SAMMSON: variants seen among roughly 807,000 people sequenced by gnomAD.
SAMMSON encodes the protein survival associated mitochondrial melanoma specific oncogenic non-coding RNA.
intron 4 of SAMMSON, among the ~76,000 whole-genome samples, chr3:70,152,245 T>A (rs1287321432): frequency 3.3e-5 from 5 of 152,166 alleles, no homozygotes; most frequent in African/African-American, 1.2e-4. Context: ...ACAATTGGAT[T>A]TCAAGTCACC....
At chr3:70,076,101 A>T (rs2067247665) in intron 4 of SAMMSON, among the ~76,000 whole-genome samples, 1 of 152,094 alleles carries the variant, frequency 6.6e-6, no homozygotes, top group African/African-American at 2.4e-5. Flanking sequence ...AACTTAATTA[A>T]GTTCCCAGGG....
chr3:70,178,529 G>A (rs189586028), intron 4 of SAMMSON, among the ~76,000 whole-genome samples: 8 of 152,256 alleles, frequency 5.3e-5, no homozygotes, highest in South Asian at 4.1e-4. Flanking sequence ...AAGAAAATGC[G>A]TTAAACTGAG....
chr3:70,246,974 A>C (rs1233697776), intron 4 of SAMMSON, among the ~76,000 whole-genome samples: 1 of 152,072 alleles, frequency 6.6e-6, no homozygotes, highest in African/African-American at 2.4e-5. Context: ...TGAACAATAC[A>C]AGGCTCAGGG....
intron 4 of SAMMSON, among the ~76,000 whole-genome samples, chr3:70,129,537 G>C (rs1457023742): frequency 2.6e-5 from 4 of 152,112 alleles, no homozygotes; most frequent in African/African-American, 9.7e-5. Flanking sequence ...TAAGAGTAAT[G>C]AGGCCTACAA....
chr3:70,427,433 T>G (rs1701378831), intron 2 of SAMMSON, among the ~76,000 whole-genome samples: 1 of 152,044 alleles, frequency 6.6e-6, no homozygotes, highest in South Asian at 2.1e-4. Context: ...ACCTAAAAGG[T>G]GATCCTCTTA....
At chr3:70,195,365 T>A (rs1701165962) in intron 4 of SAMMSON, among the ~76,000 whole-genome samples, 1 of 152,220 alleles carries the variant, frequency 6.6e-6, no homozygotes, top group Non-Finnish European at 1.5e-5. Context: ...CAAACAGGAA[T>A]GAAATCAGCA....
At chr3:70,191,268 GT>G (rs1701130039) in intron 4 of SAMMSON, among the ~76,000 whole-genome samples, 1 of 152,150 alleles carries the variant, frequency 6.6e-6, no homozygotes, top group Non-Finnish European at 1.5e-5. Flanking sequence ...CATAAAAGAG[GT>G]TAGCATGACC....
At chr3:70,298,905 T>C (rs1362955709) in intron 7 of SAMMSON, among the ~76,000 whole-genome samples, 2 of 152,160 alleles carry the variant, frequency 1.3e-5, no homozygotes, top group Non-Finnish European at 2.9e-5. Context: ...CTGACCTTTA[T>C]TTTCCTCATT....
chr3:70,323,767 G>A (rs1415221480), intron 7 of SAMMSON, among the ~76,000 whole-genome samples: 2 of 152,080 alleles, frequency 1.3e-5, no homozygotes, highest in Non-Finnish European at 2.9e-5. Flanking sequence ...ATACCTTATT[G>A]TTGTGAGGCC....
chr3:70,263,795 G>T (rs1464190911), intron 6 of SAMMSON, among the ~76,000 whole-genome samples: 1 of 151,942 alleles, frequency 6.6e-6, no homozygotes, highest in Non-Finnish European at 1.5e-5. Context: ...CTCCATCTGG[G>T]TTCCCGTTGC....
At chr3:70,403,005 C>A (rs887784330) in intron 2 of SAMMSON, among the ~76,000 whole-genome samples, 12 of 151,808 alleles carry the variant, frequency 7.9e-5, no homozygotes, top group Non-Finnish European at 1.5e-4. Context: ...CTGAGACTTC[C>A]ATATAGTCTG....
At chr3:70,082,322 A>T (rs571824564) in intron 4 of SAMMSON, among the ~76,000 whole-genome samples, 1 of 152,338 alleles carries the variant, frequency 6.6e-6, no homozygotes, top group East Asian at 1.9e-4. Context: ...GATTAATATT[A>T]GTTAATAAAA....
intron 6 of SAMMSON, among the ~76,000 whole-genome samples, chr3:70,282,586 C>T (rs1702099114): frequency 6.6e-6 from 1 of 152,150 alleles, no homozygotes; most frequent in Non-Finnish European, 1.5e-5. Context: ...AGGAACTTTG[C>T]ACTTGCTATT....
intron 3 of SAMMSON, among the ~76,000 whole-genome samples, chr3:70,048,441 G>T (rs993115619): frequency 1.3e-5 from 2 of 151,844 alleles, no homozygotes; most frequent in African/African-American, 4.8e-5. Context: ...ACAATCCTTG[G>T]CACATAAGAA....
At chr3:70,415,963 A>G (rs1052282740) in intron 2 of SAMMSON, among the ~76,000 whole-genome samples, 2 of 152,142 alleles carry the variant, frequency 1.3e-5, no homozygotes, top group South Asian at 2.1e-4. Context: ...TTCTCCTATC[A>G]CTATTTTGAT....
chr3:70,047,406 G>A (rs1211352908), intron 3 of SAMMSON, among the ~76,000 whole-genome samples: 2 of 148,020 alleles, frequency 1.4e-5, no homozygotes, highest in Admixed American at 6.8e-5. Context: ...GTGTGATCTC[G>A]GCTCACTGCA....
At chr3:70,095,760 C>T (rs939441065) in intron 4 of SAMMSON, among the ~76,000 whole-genome samples, 14 of 152,044 alleles carry the variant, frequency 9.2e-5, no homozygotes, top group African/African-American at 2.4e-4. Flanking sequence ...CAAATAAGTG[C>T]TATCTAAGTG....
chr3:70,152,409 T>C (rs2067575415), intron 4 of SAMMSON, among the ~76,000 whole-genome samples: 1 of 152,066 alleles, frequency 6.6e-6, no homozygotes, highest in African/African-American at 2.4e-5. Flanking sequence ...CTACTACCAA[T>C]GGATCTTTTT....
At chr3:70,139,581 C>A (rs1172904846) in intron 4 of SAMMSON, among the ~76,000 whole-genome samples, 1 of 152,162 alleles carries the variant, frequency 6.6e-6, no homozygotes, top group Non-Finnish European at 1.5e-5. Context: ...GCCTCTACAG[C>A]TTTGCTGGGT....
Sources: gnomAD v4.1 joint callset for allele counts (sites outside exome capture counted in the v4.1 genomes callset) on GRCh38, gnomAD v4.1.1 for gene constraint, MANE v1.5 for transcripts, NCBI Gene and HGNC (gene_info 2026-07-23, HGNC 2026-07-21) for gene names.